LAMA1: variants seen among roughly 807,000 people sequenced by gnomAD.
LAMA1 encodes laminin subunit alpha 1.
A neutral mutation model predicts 348.7 loss-of-function variants in LAMA1; 219 were observed. The observed-to-expected ratio is 0.63, with a 90% confidence interval of 0.56 to 0.70. The LOEUF (loss-of-function observed/expected upper bound fraction) is 0.70, where lower values mean the gene tolerates loss of function less well. Among genes scored for constraint, LAMA1 ranks in the 30% least tolerant of loss-of-function variants. The pLI is 0.00. For synonymous variants in LAMA1, 1,487 were observed against 1,491.0 expected (o/e 1.00, Z 0.06); for missense variants, 3,744 against 3,888.0 (o/e 0.96, Z 0.99).
chr18:7,095,030 T>C (rs369847758), intron 1 of LAMA1, among the ~76,000 whole-genome samples: 2 of 151,628 alleles, frequency 1.3e-5, no homozygotes, highest in African/African-American at 4.9e-5. Context: ...AATTGATCTA[T>C]AGATTCTATC....
intron 57 of LAMA1, among the ~76,000 whole-genome samples, chr18:6,953,154 C>T (rs1166989840): frequency 6.7e-6 from 1 of 149,652 alleles, no homozygotes; most frequent in African/African-American, 2.6e-5. Context: ...GCCATGGGAG[C>T]CATGTCTGCC....
Position 6,993,767 on chromosome 18 carries a change from A to C in LAMA1, c.4897-15T>G. ...ATCCTAGTGAGCTGGTGGAAAAATA[A>C]AGTCTCAGGTTAGTTTGACTTTAAG... is the stretch of plus-strand genomic sequence containing the variant. On this transcript the variant is annotated splice_polypyrimidine_tract_variant and intron_variant, in intron 34 of 62. Coordinates refer to ENST00000389658, the MANE Select transcript of LAMA1 (RefSeq NM_005559.4). The C allele has an allele frequency of 6.8e-7, 1 of 1,480,646 alleles. No individual in the cohort carries two copies. The highest frequency in any genetic ancestry group is 9.5e-7 in the Non-Finnish European group (1 of 1,057,894). The allele number at this position is 1,480,646 out of a possible 1,614,324, so 91.7% of individuals were successfully genotyped here.
rs2057595777 is a variant in LAMA1 at position 6,959,289 on chromosome 18, C to T, written c.7778+52G>A. The T allele has an allele frequency of 8.1e-6, 13 of 1,613,242 alleles. No homozygotes were observed. The Admixed American group carries it at 1.7e-4, about 21-fold the overall frequency. ...CCACCGCAAGGTTCCTCCCACATTC[C>T]CTCTGAGCTCACCACACCTTCATTA... On this transcript the variant is annotated intron_variant, in intron 54 of 62. Coordinates refer to ENST00000389658, the MANE Select transcript of LAMA1 (RefSeq NM_005559.4).
At chr18:6,999,739 C>G (rs1568024966) in intron 31 of LAMA1, 101 bp from the exon 32 acceptor site, 5 of 1,242,222 alleles carry the variant, frequency 4.0e-6, no homozygotes, top group Non-Finnish European at 2.3e-6. Flanking sequence ...AAGCACAGAT[C>G]CATTCACCTT....
At chr18:6,997,321 C>G (rs2057786382) in intron 33 of LAMA1, among the ~76,000 whole-genome samples, 1 of 152,216 alleles carries the variant, frequency 6.6e-6, no homozygotes, top group Non-Finnish European at 1.5e-5. Flanking sequence ...CTTGGCCCCC[C>G]AAAGTGCTGG....
chr18:7,022,753 G>A (rs760031994), intron 19 of LAMA1, among the ~76,000 whole-genome samples: 11 of 152,098 alleles, frequency 7.2e-5, no homozygotes, highest in Non-Finnish European at 1.3e-4. Flanking sequence ...CAGTTTCTGG[G>A]GTTACAGTCT....
chr18:7,017,420 C>A (rs752808617), intron 19 of LAMA1, 36 bp from the exon 20 acceptor site: 2 of 1,425,180 alleles, frequency 1.4e-6, no homozygotes, highest in Non-Finnish European at 2.0e-6. Context: ...TTAACCCTCA[C>A]TTCTGAGGAT....
intron 1 of LAMA1, among the ~76,000 whole-genome samples, chr18:7,093,410 G>T (rs931808321): frequency 6.6e-6 from 1 of 151,532 alleles, no homozygotes; most frequent in South Asian, 2.1e-4. Flanking sequence ...AGCCAGACTC[G>T]GTCAAAAAAA....
intron 18 of LAMA1, among the ~76,000 whole-genome samples, chr18:7,023,640 C>T (rs150684470): frequency 3.0e-4 from 45 of 152,232 alleles, no homozygotes; most frequent in African/African-American, 8.4e-4. Context: ...CTGACCACTC[C>T]GGATGCCGCA....
rs766092180 is a variant in LAMA1 at position 6,950,766 on chromosome 18, C to A, written c.8397+16G>T. 34 of 1,613,478 alleles carry A rather than the reference C, an allele frequency of 2.1e-5. No homozygotes were observed. The highest frequency in any genetic ancestry group is 2.8e-5 in the Non-Finnish European group (33 of 1,179,784). ...AGAACTCAGAAGCAGCCACCACAAGCCTCCTGAGATCGTACCGTGTGCCAC... is the reference window on the plus strand; with the variant it reads ...AGAACTCAGAAGCAGCCACCACAAGACTCCTGAGATCGTACCGTGTGCCAC... On this transcript the variant is annotated intron_variant, in intron 58 of 62. Transcript: ENST00000389658.
chr18:7,048,821 A>G (rs920753195), intron 5 of LAMA1, among the ~76,000 whole-genome samples: 9 of 152,162 alleles, frequency 5.9e-5, no homozygotes, highest in Admixed American at 3.9e-4. Context: ...AACAAAGACC[A>G]TGGCATTCAC....
Position 7,058,688 on chromosome 18 carries a change from C to T in LAMA1, c.346-7752G>A, listed in dbSNP as rs117560658. Among the ~76,000 whole-genome samples the T allele has an allele frequency of 1.6e-4, 24 of 152,272 alleles. No individual in the cohort carries two copies. The East Asian group carries it at 3.9e-3, about 24-fold the overall frequency. ...GAAGCCACTATGAGCCAGAAGAAAC[C>T]GACTCTGCTGACACCTTGACCTTAG... On this transcript the variant is annotated intron_variant, in intron 3 of 62. Transcript: ENST00000389658.
intron 3 of LAMA1, among the ~76,000 whole-genome samples, chr18:7,065,164 C>T (rs1044197776): frequency 2.2e-5 from 3 of 137,522 alleles, no homozygotes; most frequent in East Asian, 2.5e-4. Flanking sequence ...ACTCGAGAGG[C>T]GGAGGTTGCA....
chr18:7,066,965 A>G (rs1477816328), intron 3 of LAMA1, among the ~76,000 whole-genome samples: 1 of 152,238 alleles, frequency 6.6e-6, no homozygotes, highest in East Asian at 1.9e-4. Flanking sequence ...ATAGCCCCAA[A>G]TTGGAAACAC....
intron 8 of LAMA1, chr18:7,042,508 C>T (rs960516623): frequency 3.2e-5 from 13 of 410,340 alleles, no homozygotes; most frequent in African/African-American, 1.2e-4. Context: ...CAGCCCCCCT[C>T]GCGCTGCTGT....
chr18:6,941,874 C>T lies in LAMA1; in HGVS notation c.*205G>A. ...TTAAAAATACGTTTAAAAAGAGAGCCAGGGAATTCAATTTACATTTTAGAC... is the reference window on the plus strand; with the variant it reads ...TTAAAAATACGTTTAAAAAGAGAGCTAGGGAATTCAATTTACATTTTAGAC... On this transcript the variant is annotated 3_prime_UTR_variant, in exon 63 of 63. Coordinates refer to ENST00000389658, the MANE Select transcript of LAMA1 (RefSeq NM_005559.4). 1 of 602,736 alleles carries T rather than the reference C, an allele frequency of 1.7e-6. No homozygotes were observed. The highest frequency in any genetic ancestry group is 2.0e-5 in the South Asian group (1 of 50,408). 37.3% of individuals were successfully genotyped at this position (602,736 alleles called of 1,614,324 possible). A position where few individuals can be genotyped will look rare whatever the true frequency, so the allele number is the denominator to read the frequency against.
In LAMA1 at chr18:7,011,464, C is replaced by A; in HGVS notation, c.3523G>T (p.Asp1175Tyr). Residue 1175 changes from aspartate (D) to tyrosine (Y), a missense_variant, in exon 25 of 63, where the codon GAT (aspartate) becomes TAT (tyrosine). Asp to Tyr is a radical substitution (Grantham distance 160). This residue lies in a region of LAMA1 where 1,529 missense variants were observed against 1,689.4 expected (regional missense o/e 0.91). Coordinates refer to ENST00000389658, the MANE Select transcript of LAMA1 (RefSeq NM_005559.4). ...YVRTPVTLGS[D>Y]QPLLRVVSQS... Reference sequence around the variant, plus strand: ...GAAACCACACGCAGAAGAGGCTGATCGGAGCCCAGCGTTACCTAAACCACG... The same window carrying A: ...GAAACCACACGCAGAAGAGGCTGATAGGAGCCCAGCGTTACCTAAACCACG... 2.5e-6 allele frequency: 4 copies of A among 1,604,786 alleles called. No homozygotes were observed. Among genetic ancestry groups the A allele is most frequent in the Non-Finnish European group, 2.6e-6 (3 of 1,175,966 alleles).
intron 24 of LAMA1, 76 bp downstream of exon 24, chr18:7,011,919 G>A: frequency 1.3e-6 from 2 of 1,509,540 alleles, no homozygotes; most frequent in Non-Finnish European, 1.8e-6. Flanking sequence ...TGAACACTTG[G>A]CTGTGTTTCC....
chr18:7,115,701 C>T (rs2143843883), intron 1 of LAMA1, among the ~76,000 whole-genome samples: 1 of 149,806 alleles, frequency 6.7e-6, no homozygotes, highest in Admixed American at 6.7e-5. Flanking sequence ...CCGGGCGCGG[C>T]GGCTCACGCC....
Sources: allele counts gnomAD v4.1 joint callset (sites outside exome capture counted in the v4.1 genomes callset), GRCh38; gene constraint gnomAD v4.1.1; regional missense constraint gnomAD v4.1.1; transcripts MANE v1.5; gene names NCBI Gene and HGNC (gene_info 2026-07-23, HGNC 2026-07-21).